The following PHC3 variants were observed in gnomAD, a reference collection of about 807,000 sequenced individuals.
PHC3 encodes polyhomeotic homolog 3, also known as polyhomeotic-like protein 3.
PHC3 carries 13 observed loss-of-function variants against 107.4 expected under a neutral mutation model. The ratio of observed to expected loss-of-function variants is 0.12; its 90% CI spans 0.08 to 0.19. PHC3 has a LOEUF of 0.19. PHC3 is among the 10% of genes least tolerant of loss of function. PHC3 has a pLI of 1.00. For synonymous variants in PHC3, 456 were observed against 427.4 expected (o/e 1.07, Z -0.83); for missense variants, 992 against 1,210.9 (o/e 0.82, Z 2.68).
chr3:170,115,116 A>C lies in PHC3; in HGVS notation c.2194-1597T>G, dbSNP rs550032415. Among the ~76,000 whole-genome samples the C allele has an allele frequency of 2.6e-5, 4 of 152,298 alleles. No individual in the cohort carries two copies. In the East Asian group the frequency reaches 7.7e-4, roughly 29 times the overall value. The stretch of plus-strand genomic sequence containing the variant: ...CTATTTCTAGGAATTCATACTAAGA[A>C]ACTTATTTAAAATGTGTATGATTTA... On this transcript the variant is annotated intron_variant, in intron 10 of 14. Coordinates refer to ENST00000495893, the MANE Select transcript of PHC3 (RefSeq NM_024947.4).
In PHC3 at chr3:170,107,005, C is replaced by A. The variant is rs1716661344; in HGVS notation, c.2354-59G>T. ...CCAAAAATTTAATTATGCAAATTTT[C>A]TTTAAGTCTATACTTTGGTTGGATA... is the stretch of plus-strand genomic sequence containing the variant. On this transcript the variant is annotated intron_variant, in intron 11 of 14. Coordinates refer to ENST00000495893, the MANE Select transcript of PHC3 (RefSeq NM_024947.4). 7.1e-6 allele frequency: 9 copies of A among 1,266,650 alleles called. No individual in the cohort carries two copies. The South Asian group carries it at 1.1e-4, about 16-fold the overall frequency. 78.5% of individuals were successfully genotyped at this position (1,266,650 alleles called of 1,614,324 possible). A position where few individuals can be genotyped will look rare whatever the true frequency, so the allele number is the denominator to read the frequency against.
chr3:170,113,226 C>T (rs13095804), intron 11 of PHC3, 134 bp downstream of exon 11: 4 of 761,940 alleles, frequency 5.2e-6, no homozygotes, highest in Non-Finnish European at 7.6e-6. Flanking sequence ...TTATTTTAGT[C>T]AAATGGTGCA....
rs1424104059 is a variant in PHC3 at position 170,094,589 on chromosome 3, A to G, written c.*2641T>C. The G allele has an allele frequency of 6.6e-6, 1 of 152,218 alleles. No homozygotes were observed. The highest frequency in any genetic ancestry group is 1.5e-5 in the Non-Finnish European group (1 of 68,034). 9.4% of individuals were successfully genotyped at this position (152,218 alleles called of 1,614,324 possible). A position where few individuals can be genotyped will look rare whatever the true frequency, so the allele number is the denominator to read the frequency against. On this transcript the variant is annotated 3_prime_UTR_variant, in exon 15 of 15. Coordinates refer to ENST00000495893, the MANE Select transcript of PHC3 (RefSeq NM_024947.4). The stretch of plus-strand genomic sequence containing the variant: ...AAGCTCAGGAGAGAGGTGGATGCTC[A>G]GTGTTGTCTATATATCCATTATATA...
intron 4 of PHC3, among the ~76,000 whole-genome samples, chr3:170,161,559 T>C (rs1394251553): frequency 6.6e-6 from 1 of 152,250 alleles, no homozygotes; most frequent in Non-Finnish European, 1.5e-5. Context: ...GCCACTGATC[T>C]GACAGGAGGC....
chr3:170,123,356 T>TAC lies in PHC3; in HGVS notation c.1789-614_1789-613dup, dbSNP rs3980601. Among the ~76,000 whole-genome samples, 611 of 149,918 alleles carry TAC rather than the reference T, an allele frequency of 4.1e-3. 5 individuals carry two copies. Among genetic ancestry groups the TAC allele is most frequent in the Non-Finnish European group, 6.4e-3 (431 of 67,586 alleles). ...AGAAAATATCTTTCCTTGAAATGCATACACACACACACACACACAGCCTAA... is the reference window on the plus strand; with the variant it reads ...AGAAAATATCTTTCCTTGAAATGCATACACACACACACACACACACAGCCTAA... On this transcript the variant is annotated intron_variant, in intron 8 of 14. Coordinates refer to ENST00000495893, the MANE Select transcript of PHC3 (RefSeq NM_024947.4).
chr3:170,115,851 G>C (rs1170717772), intron 10 of PHC3, among the ~76,000 whole-genome samples: 1 of 149,774 alleles, frequency 6.7e-6, no homozygotes, highest in African/African-American at 2.5e-5. Flanking sequence ...CACTGTATGA[G>C]AATTGTTATA....
At position 170,151,956 on chromosome 3, in the gene PHC3, T is replaced by A. The variant is rs1171013275; in HGVS notation, c.415-2712A>T. ...GACCTCTCTGTACTAGTTTTGCAAC[T>A]TCCTATGATTTATAGGAATTTAATT... On this transcript the variant is annotated intron_variant, in intron 4 of 14. Transcript: ENST00000495893. 2.0e-5 allele frequency among the ~76,000 whole-genome samples: 3 copies of A among 152,168 alleles called. No individual in the cohort carries two copies. The East Asian group carries it at 5.8e-4, about 29-fold the overall frequency.
intron 4 of PHC3, among the ~76,000 whole-genome samples, chr3:170,152,423 C>A (rs540405332): frequency 6.7e-5 from 10 of 149,958 alleles, no homozygotes; most frequent in African/African-American, 1.7e-4. Context: ...CCTGACCTCA[C>A]GATCCCTCCC....
At chr3:170,147,028 G>C (rs1188165901) in intron 5 of PHC3, among the ~76,000 whole-genome samples, 1 of 151,482 alleles carries the variant, frequency 6.6e-6, no homozygotes, top group Non-Finnish European at 1.5e-5. Context: ...GATTACAAGC[G>C]TGAGTAATTT....
At chr3:170,115,753 C>T (rs544007531) in intron 10 of PHC3, among the ~76,000 whole-genome samples, 1 of 152,138 alleles carries the variant, frequency 6.6e-6, no homozygotes, top group Admixed American at 6.5e-5. Flanking sequence ...GACAAATAAG[C>T]AAAATAAAGA....
intron 2 of PHC3, among the ~76,000 whole-genome samples, chr3:170,175,998 C>T (rs1290056672): frequency 1.3e-5 from 2 of 151,264 alleles, no homozygotes; most frequent in Non-Finnish European, 2.9e-5. Context: ...GAGGCCAAGG[C>T]AGGTGGATCA....
intron 11 of PHC3, among the ~76,000 whole-genome samples, chr3:170,108,124 C>A (rs990416498): frequency 3.3e-5 from 5 of 152,112 alleles, no homozygotes; most frequent in African/African-American, 9.7e-5. Flanking sequence ...CATTTTCTTG[C>A]ATCATCATAA....
chr3:170,164,710 C>T (rs1260473503), intron 4 of PHC3, among the ~76,000 whole-genome samples: 2 of 152,096 alleles, frequency 1.3e-5, no homozygotes, highest in Non-Finnish European at 1.5e-5. Context: ...CCTCTTATAA[C>T]CCACACTTGG....
At chr3:170,160,318 C>G (rs1383700722) in intron 4 of PHC3, among the ~76,000 whole-genome samples, 1 of 152,192 alleles carries the variant, frequency 6.6e-6, no homozygotes, top group Non-Finnish European at 1.5e-5. Context: ...CCTCAAAGAT[C>G]TCTCTTCTGT....
chr3:170,121,533 A>C (rs2108412341), intron 9 of PHC3, among the ~76,000 whole-genome samples: 1 of 152,308 alleles, frequency 6.6e-6, no homozygotes, highest in Non-Finnish European at 1.5e-5. Context: ...GTTAAGCACA[A>C]GAACTTTTTT....
intron 4 of PHC3, among the ~76,000 whole-genome samples, chr3:170,154,083 A>G (rs1726491604): frequency 3.9e-5 from 6 of 152,182 alleles, no homozygotes; most frequent in Admixed American, 3.9e-4. Flanking sequence ...CCTAATTGTT[A>G]CCGTCCATAT....
intron 4 of PHC3, among the ~76,000 whole-genome samples, chr3:170,167,688 A>G (rs952445628): frequency 3.4e-5 from 5 of 149,016 alleles, no homozygotes; most frequent in African/African-American, 1.2e-4. Context: ...TGAACCCAAG[A>G]GGTGGAGGTT....
At chr3:170,145,647 A>T (rs2108565462) in intron 5 of PHC3, 126 bp from the exon 6 acceptor site, 1 of 519,942 alleles carries the variant, frequency 1.9e-6, no homozygotes, top group Non-Finnish European at 3.4e-6. Context: ...TTATCTCCTC[A>T]GCAAAAGGTT....
rs147340586 is a variant in PHC3 at position 170,132,709 on chromosome 3, C to G, written c.920-3157G>C. Among the ~76,000 whole-genome samples, 225 of 152,338 alleles carry G rather than the reference C, an allele frequency of 1.5e-3. 4 individuals carry two copies. The East Asian group carries it at 0.036, about 24-fold the overall frequency. On this transcript the variant is annotated intron_variant, in intron 7 of 14. Coordinates refer to ENST00000495893, the MANE Select transcript of PHC3 (RefSeq NM_024947.4). Reference sequence around the variant, plus strand: ...GACTGTGAGAAAATTAATTTCTGCTCTTTAAGCCACAGTCTATGGTATTTT... The same window carrying G: ...GACTGTGAGAAAATTAATTTCTGCTGTTTAAGCCACAGTCTATGGTATTTT...
Sources: gnomAD v4.1 joint callset for allele counts (sites outside exome capture counted in the v4.1 genomes callset) on GRCh38, gnomAD v4.1.1 for gene constraint, MANE v1.5 for transcripts, NCBI Gene and HGNC (gene_info 2026-07-23, HGNC 2026-07-21) for gene names.